The following MAMDC2 variants were observed in gnomAD, a reference collection of about 807,000 sequenced individuals.
MAMDC2 encodes MAM domain-containing protein 2.
In MAMDC2, 57 loss-of-function variants were observed where a neutral mutation model predicts 89.8. The ratio of observed to expected loss-of-function variants is 0.63; its 90% confidence interval spans 0.51 to 0.79. The LOEUF (loss-of-function observed/expected upper bound fraction) is 0.79. Ranked by LOEUF, MAMDC2 falls within the 30% of genes least tolerant of loss-of-function variation. MAMDC2 has a pLI of 0.00. For synonymous variants in MAMDC2, 313 were observed against 293.4 expected, an observed-to-expected ratio of 1.07 and a Z score of -0.68; for missense variants, 800 against 820.6, an observed-to-expected ratio of 0.97 and a Z score of 0.31.
intron 2 of MAMDC2, among the ~76,000 whole-genome samples, chr9:70,048,331 A>G (rs1826806309): frequency 6.6e-6 from 1 of 152,116 alleles, no homozygotes; most frequent in Admixed American, 6.5e-5. Flanking sequence ...CTGGAGTCCA[A>G]TGGCGTGACC....
chr9:70,045,729 C>CATT (rs1826733819), intron 2 of MAMDC2, among the ~76,000 whole-genome samples: 1 of 152,164 alleles, frequency 6.6e-6, no homozygotes, highest in Non-Finnish European at 1.5e-5. Context: ...CTGACCCTCA[C>CATT]AGGTAGGTGA....
rs116543365 is a variant in MAMDC2, at chr9:70,072,002, C to T, written c.148+27305C>T. On this transcript the variant is annotated intron_variant, in intron 2 of 13. Transcript: ENST00000377182. ...AATGTAAAATGTTTAAAAGAGCCCT[C>T]GTTTAGACTATTTGAGGTACTGCTC... 6.4e-3 allele frequency among the ~76,000 whole-genome samples: 967 copies of T among 152,152 alleles called. 7 individuals carry two copies. Among genetic ancestry groups the T allele is most frequent in the African/African-American group, 0.022 (914 of 41,502 alleles).
intron 11 of MAMDC2, among the ~76,000 whole-genome samples, chr9:70,205,182 C>G (rs2033197938): frequency 1.3e-5 from 2 of 152,196 alleles, no homozygotes; most frequent in Non-Finnish European, 2.9e-5. Context: ...GTAAAATGCA[C>G]ATAACATACT....
chr9:70,072,222 A>G (rs1827425172), intron 2 of MAMDC2, among the ~76,000 whole-genome samples: 2 of 152,188 alleles, frequency 1.3e-5, no homozygotes, highest in South Asian at 2.1e-4. Context: ...AGTACAATGT[A>G]TCATGTTTTC....
At chr9:70,189,037 GAC>G (rs1281229162) in intron 11 of MAMDC2, among the ~76,000 whole-genome samples, 1 of 151,936 alleles carries the variant, frequency 6.6e-6, no homozygotes, top group Admixed American at 6.6e-5. Flanking sequence ...TAAGCCCATT[GAC>G]ACAGTTTTAT....
chr9:70,147,369 C>T (rs2031439245), intron 9 of MAMDC2, among the ~76,000 whole-genome samples: 1 of 150,344 alleles, frequency 6.7e-6, no homozygotes, highest in South Asian at 2.1e-4. Flanking sequence ...CTCTATATTT[C>T]CACCTCTGTT....
chr9:70,137,970 A>G (rs1431220768), intron 7 of MAMDC2, among the ~76,000 whole-genome samples: 2 of 152,228 alleles, frequency 1.3e-5, no homozygotes, highest in Non-Finnish European at 2.9e-5. Context: ...TAGATTGCAT[A>G]GTGTTAAGTG....
intron 5 of MAMDC2, among the ~76,000 whole-genome samples, chr9:70,118,819 G>A (rs2118303065): frequency 6.6e-6 from 1 of 152,324 alleles, no homozygotes; most frequent in Admixed American, 6.5e-5. Context: ...GAGAGTGCTA[G>A]TCTTTGTGTT....
At chr9:70,140,371 C>T in intron 8 of MAMDC2, 83 bp downstream of exon 8, 2 of 1,405,516 alleles carry the variant, frequency 1.4e-6, no homozygotes, top group South Asian at 1.4e-5. Flanking sequence ...CCTGCAAAGA[C>T]ATCGACTTAA....
chr9:70,109,191 G>A (rs3015213), intron 3 of MAMDC2: 27,686 of 152,670 alleles, frequency 0.18, 3,489 homozygotes, highest in African/African-American at 0.36. Flanking sequence ...GGCTTGAAAT[G>A]CTTTACTCTC....
chr9:70,081,074 C>G (rs1427180766), intron 2 of MAMDC2, among the ~76,000 whole-genome samples: 1 of 151,968 alleles, frequency 6.6e-6, no homozygotes, highest in Non-Finnish European at 1.5e-5. Context: ...TGAAAATTAC[C>G]TTTTTTTGTT....
At chr9:70,140,342 T>C (rs1031030199) in intron 8 of MAMDC2, 54 bp downstream of exon 8, 2 of 1,518,342 alleles carry the variant, frequency 1.3e-6, no homozygotes, top group African/African-American at 1.5e-5. Context: ...TGAGCTTTAT[T>C]GGCCATTCCT....
intron 9 of MAMDC2, among the ~76,000 whole-genome samples, chr9:70,165,307 G>T (rs57048128): frequency 0.069 from 10,485 of 152,208 alleles, 576 homozygotes; most frequent in East Asian, 0.22. Flanking sequence ...ACCTCAAGGA[G>T]CATACAAAAT....
intron 9 of MAMDC2, chr9:70,157,768 G>C (rs2031815605): frequency 6.6e-6 from 1 of 152,158 alleles, no homozygotes; most frequent in Admixed American, 6.6e-5. Context: ...CAAGTCAGAG[G>C]GGGAAAAAAA....
intron 11 of MAMDC2, among the ~76,000 whole-genome samples, chr9:70,176,211 C>G (rs2032495359): frequency 6.6e-6 from 1 of 152,196 alleles, no homozygotes. Flanking sequence ...GTCCTACCTT[C>G]TCCTCATAAA....
chr9:70,184,961 G>A (rs1034970839), intron 11 of MAMDC2, among the ~76,000 whole-genome samples: 2 of 152,098 alleles, frequency 1.3e-5, no homozygotes, highest in Admixed American at 6.6e-5. Flanking sequence ...AAGCAGCATT[G>A]TGATTTTTGG....
intron 2 of MAMDC2, among the ~76,000 whole-genome samples, chr9:70,072,558 A>G (rs1281457754): frequency 1.3e-5 from 2 of 152,186 alleles, no homozygotes; most frequent in African/African-American, 4.8e-5. Flanking sequence ...CAACAAATCT[A>G]TGAGCTGGAC....
chr9:70,179,427 G>A (rs1050402469), intron 11 of MAMDC2, among the ~76,000 whole-genome samples: 4 of 151,862 alleles, frequency 2.6e-5, no homozygotes, highest in African/African-American at 9.7e-5. Context: ...GGAAGACTGA[G>A]GCAGGAGAAT....
Position 70,044,005 on chromosome 9 carries a change from T to C in MAMDC2, c.-193T>C, listed in dbSNP as rs1000728720. 4.6e-6 allele frequency: 3 copies of C among 649,434 alleles called. No individual in the cohort carries two copies. The highest frequency in any genetic ancestry group is 8.0e-6 in the Non-Finnish European group (3 of 373,608). The allele number at this position is 649,434 out of a possible 1,614,324, so 40.2% of individuals were successfully genotyped here. A position where few individuals can be genotyped will look rare whatever the true frequency, so the allele number is the denominator to read the frequency against. On this transcript the variant is annotated 5_prime_UTR_variant, in exon 1 of 14. Transcript: ENST00000377182. ...GCTGGCGCTCTCCATTCGAGCACCT[T>C]CCAGCATACCGCTCGGCTCCGGGAG... is the stretch of plus-strand genomic sequence containing the variant.
Sources: allele counts gnomAD v4.1 joint callset (sites outside exome capture counted in the v4.1 genomes callset), GRCh38; gene constraint gnomAD v4.1.1; transcripts MANE v1.5; gene names NCBI Gene and HGNC (gene_info 2026-07-23, HGNC 2026-07-21).